SERHL2: variants seen among roughly 807,000 people sequenced by gnomAD.
The protein encoded by SERHL2 is serine hydrolase-like protein 2.
SERHL2 carries 29 observed loss-of-function variants against 25.5 expected under a neutral mutation model. The ratio of observed to expected loss-of-function variants is 1.14; its 90% CI spans 0.85 to 1.55. The LOEUF (loss-of-function observed/expected upper bound fraction) is 1.55. SERHL2 is among the 40% of genes most tolerant of loss of function. The pLI is 0.00. For missense variants in SERHL2, 240 were observed against 252.3 expected, an observed-to-expected ratio of 0.95 and a Z score of 0.33; for synonymous variants, 95 against 103.5, an observed-to-expected ratio of 0.92 and a Z score of 0.50.
At chr22:42,566,231 A>T (rs1923358591) in intron 8 of SERHL2, 73 bp from the exon 9 acceptor site, 2 of 1,502,890 alleles carry the variant, frequency 1.3e-6, no homozygotes, top group Non-Finnish European at 1.8e-6. Context: ...GGAGGGTTCC[A>T]GCAAAGTCAC....
chr22:42,562,528 G>A (rs1481747319), intron 8 of SERHL2, among the ~76,000 whole-genome samples: 1 of 151,852 alleles, frequency 6.6e-6, no homozygotes, highest in South Asian at 2.1e-4. Flanking sequence ...GCGTGAGAAG[G>A]GGAGGGCTCG....
chr22:42,561,667 T>C (rs1406796337), intron 8 of SERHL2, among the ~76,000 whole-genome samples: 1 of 151,664 alleles, frequency 6.6e-6, no homozygotes, highest in Non-Finnish European at 1.5e-5. Flanking sequence ...GTTGATCTGC[T>C]GAGGTGAGTA....
At chr22:42,567,113 T>C (rs535172790) in intron 9 of SERHL2, among the ~76,000 whole-genome samples, 57 of 152,236 alleles carry the variant, frequency 3.7e-4, no homozygotes, top group African/African-American at 1.3e-3. Context: ...CTGTGCTATT[T>C]TGTGATTGTT....
intron 5 of SERHL2, 192 bp from the exon 6 acceptor site, chr22:42,556,322 C>T: frequency 1.9e-6 from 1 of 520,194 alleles, no homozygotes; most frequent in Non-Finnish European, 3.6e-6. Flanking sequence ...GTCTGGAGCT[C>T]AGTGCTGGGT....
At chr22:42,567,549 A>G (rs1923566670) in intron 9 of SERHL2, among the ~76,000 whole-genome samples, 1 of 151,344 alleles carries the variant, frequency 6.6e-6, no homozygotes, top group Non-Finnish European at 1.5e-5. Flanking sequence ...CTGTAGTCCC[A>G]GCTACTCGGG....
intron 9 of SERHL2, chr22:42,569,856 TGTGTG>T: frequency 6.8e-6 from 1 of 147,646 alleles, no homozygotes; most frequent in Non-Finnish European, 1.5e-5. Context: ...TGTGTGTGTG[TGTGTG>T]TGTGTGTGTG....
intron 9 of SERHL2, among the ~76,000 whole-genome samples, chr22:42,567,307 T>C (rs1032568662): frequency 2.6e-5 from 4 of 152,048 alleles, no homozygotes; most frequent in African/African-American, 9.6e-5. Flanking sequence ...TGGGATTTGT[T>C]CTTGAGCATG....
Position 42,561,785 on chromosome 22 carries a change from CT to C in SERHL2, c.613+1522del, listed in dbSNP as rs760801073. The stretch of plus-strand genomic sequence containing the variant: ...GTCGCCAGTTTGGGACCAGTTGGGT[CT>C]TCGTGATCATCTTGGCTGAACCTTT... On this transcript the variant is annotated intron_variant, in intron 8 of 11. Transcript: ENST00000327678. 9.2e-5 allele frequency among the ~76,000 whole-genome samples: 14 copies of C among 151,802 alleles called. 1 individual carries two copies. The highest frequency in any genetic ancestry group is 1.6e-4 in the Non-Finnish European group (11 of 67,942).
chr22:42,560,742 C>G (rs1452372915), intron 8 of SERHL2, among the ~76,000 whole-genome samples: 2 of 151,790 alleles, frequency 1.3e-5, no homozygotes. Flanking sequence ...TTCTTTCGTT[C>G]TTTTTTCTTA....
intron 9 of SERHL2, among the ~76,000 whole-genome samples, chr22:42,567,258 A>G (rs1923512596): frequency 6.6e-6 from 1 of 152,012 alleles, no homozygotes; most frequent in African/African-American, 2.4e-5. Flanking sequence ...GCGTCAGCCA[A>G]TGGTCTGGGA....
At chr22:42,571,041 A>G (rs1223902996) in intron 9 of SERHL2, 80 bp from the exon 10 acceptor site, 4 of 1,600,688 alleles carry the variant, frequency 2.5e-6, no homozygotes, top group Non-Finnish European at 3.4e-6. Context: ...GGACTTAGCC[A>G]CCCCAACAGA....
At chr22:42,570,639 G>T (rs765881711) in intron 9 of SERHL2, among the ~76,000 whole-genome samples, 1 of 150,674 alleles carries the variant, frequency 6.6e-6, no homozygotes, top group South Asian at 2.1e-4. Context: ...GGAGGAGGCC[G>T]GCAGGGGCCA....
In SERHL2 at chr22:42,572,615, G is replaced by A. The variant is rs566073385; in HGVS notation, c.825+86G>A. 17 of 1,545,646 alleles carry A rather than the reference G, an allele frequency of 1.1e-5. No individual in the cohort carries two copies. In the African/African-American group the frequency reaches 1.9e-4, roughly 17 times the overall value. On this transcript the variant is annotated intron_variant, in intron 11 of 11. Transcript: ENST00000327678. ...CCCATCTCTTCTCATGCACTGGGAA[G>A]ACCCTGGGTCTGCCCCCAGGCCCAA... is the stretch of plus-strand genomic sequence containing the variant.
chr22:42,559,725 A>G (rs1309935366), intron 7 of SERHL2, among the ~76,000 whole-genome samples: 1 of 150,878 alleles, frequency 6.6e-6, no homozygotes, highest in Non-Finnish European at 1.5e-5. Context: ...TCTCACAAAG[A>G]AAAAAAAAGA....
chr22:42,566,364 C>A, intron 9 of SERHL2, 26 bp downstream of exon 9: 1 of 1,609,384 alleles, frequency 6.2e-7, no homozygotes, highest in Non-Finnish European at 8.5e-7. Flanking sequence ...TCCGGGTCCC[C>A]CGCCAAGGTT....
At position 42,573,700 on chromosome 22, in the gene SERHL2, A is replaced by C. The variant is rs1924596280; in HGVS notation, c.826-236A>C. 1.1e-5 allele frequency: 6 copies of C among 559,198 alleles called. No homozygotes were observed. The South Asian group carries it at 1.3e-4, about 12-fold the overall frequency. The allele number at this position is 559,198 out of a possible 1,614,324, so 34.6% of individuals were successfully genotyped here. A position where few individuals can be genotyped will look rare whatever the true frequency, so the allele number is the denominator to read the frequency against. ...CGCCCTGTCCCTGCCATGCAACTTC[A>C]CAACTCAGCTGGCCTAGACCCCTGG... On this transcript the variant is annotated intron_variant, in intron 11 of 11. Coordinates refer to ENST00000327678, the MANE Select transcript of SERHL2 (RefSeq NM_014509.5).
chr22:42,573,505 C>A (rs573336354), intron 11 of SERHL2: 117 of 168,130 alleles, frequency 7.0e-4, no homozygotes, highest in African/African-American at 2.7e-3. Flanking sequence ...GGCCTCCCGC[C>A]TGCCTTGGCC....
rs903782073 is a variant in SERHL2, at chr22:42,554,123, AGGGTTCGCCGACCGCGTCG to A, written c.22+82_22+100del. 49 of 1,528,462 alleles carry A rather than the reference AGGGTTCGCCGACCGCGTCG, an allele frequency of 3.2e-5. No individual in the cohort carries two copies. The African/African-American group carries it at 5.9e-4, about 18-fold the overall frequency. The allele number at this position is 1,528,462 out of a possible 1,614,324, so 94.7% of individuals were successfully genotyped here. On this transcript the variant is annotated intron_variant, in intron 1 of 11. Coordinates refer to ENST00000327678, the MANE Select transcript of SERHL2 (RefSeq NM_014509.5). ...AGTAGAAGAGGGCGGGATGGAGTGG[AGGGTTCGCCGACCGCGTCG>A]CCCTCCTGGGTGTCGCAGCTCCTTC...
chr22:42,564,311 C>G (rs1475110694), intron 8 of SERHL2, among the ~76,000 whole-genome samples: 2 of 151,592 alleles, frequency 1.3e-5, no homozygotes, highest in Non-Finnish European at 2.9e-5. Context: ...TTACCCTGTT[C>G]ATGTAAGGGG....
Sources: allele counts gnomAD v4.1 joint callset (sites outside exome capture counted in the v4.1 genomes callset), GRCh38; gene constraint gnomAD v4.1.1; transcripts MANE v1.5; gene names NCBI Gene and HGNC (gene_info 2026-07-23, HGNC 2026-07-21).